SERPINI1: variants seen among roughly 807,000 people sequenced by gnomAD.
The protein encoded by SERPINI1 is serpin family I member 1.
In SERPINI1, 19 loss-of-function variants were observed where a neutral mutation model predicts 41.1. The observed-to-expected ratio is 0.46, with a 90% CI of 0.32 to 0.68. The LOEUF (loss-of-function observed/expected upper bound fraction) is 0.68. SERPINI1 is among the 30% of genes least tolerant of loss of function. The pLI, the probability that SERPINI1 is intolerant of heterozygous loss-of-function variation, is 0.03. For missense variants in SERPINI1, 460 were observed against 479.2 expected (o/e 0.96, Z 0.37); for synonymous variants, 138 against 156.6 (o/e 0.88, Z 0.89).
chr3:167,778,881 C>A (rs1727036571), intron 1 of SERPINI1, among the ~76,000 whole-genome samples: 1 of 152,170 alleles, frequency 6.6e-6, no homozygotes, highest in Non-Finnish European at 1.5e-5. Flanking sequence ...TTAGCTTGGC[C>A]AATGCCAAGG....
At chr3:167,823,514 T>C (rs1712411556) in intron 7 of SERPINI1, among the ~76,000 whole-genome samples, 1 of 152,234 alleles carries the variant, frequency 6.6e-6, no homozygotes. Context: ...GAATATGGGA[T>C]ATTTTTGATA....
At chr3:167,807,364 T>A (rs1560014881) in intron 6 of SERPINI1, 23 bp downstream of exon 6, 8 of 1,390,542 alleles carry the variant, frequency 5.8e-6, no homozygotes, top group Non-Finnish European at 8.2e-6. Flanking sequence ...CACAAATTTT[T>A]AAAAATGTTA....
intron 1 of SERPINI1, among the ~76,000 whole-genome samples, chr3:167,752,685 A>G (rs374459778): frequency 2.0e-4 from 30 of 152,060 alleles, no homozygotes; most frequent in East Asian, 1.2e-3. Flanking sequence ...AGAAAATGCA[A>G]CATCCTTGCT....
At chr3:167,780,323 A>C (rs1727081310) in intron 1 of SERPINI1, among the ~76,000 whole-genome samples, 2 of 151,968 alleles carry the variant, frequency 1.3e-5, no homozygotes, top group South Asian at 4.2e-4. Context: ...CTATACTCCT[A>C]CTCTCTCTAC....
At chr3:167,747,055 T>C (rs1725881454) in intron 1 of SERPINI1, among the ~76,000 whole-genome samples, 1 of 152,188 alleles carries the variant, frequency 6.6e-6, no homozygotes. Flanking sequence ...ATAAACACAA[T>C]GTTGTATAGC....
intron 1 of SERPINI1, among the ~76,000 whole-genome samples, chr3:167,771,755 T>C (rs1398168006): frequency 6.6e-6 from 1 of 152,226 alleles, no homozygotes; most frequent in Non-Finnish European, 1.5e-5. Flanking sequence ...TTAAATGTCA[T>C]CCACACTTAA....
chr3:167,746,461 T>A (rs1725866588), intron 1 of SERPINI1, among the ~76,000 whole-genome samples: 1 of 151,854 alleles, frequency 6.6e-6, no homozygotes, highest in Non-Finnish European at 1.5e-5. Flanking sequence ...AGGACACGAG[T>A]TGAAAAGATA....
chr3:167,792,840 A>G, intron 4 of SERPINI1, 56 bp downstream of exon 4: 1 of 1,426,966 alleles, frequency 7.0e-7, no homozygotes, highest in Non-Finnish European at 9.9e-7. Context: ...ACAGATTTCT[A>G]AGAAAAACAT....
chr3:167,739,363 A>C (rs1401952539), intron 1 of SERPINI1, among the ~76,000 whole-genome samples: 17 of 152,290 alleles, frequency 1.1e-4, no homozygotes. Flanking sequence ...TTTGATAGAC[A>C]GAGTCAGCTG....
intron 1 of SERPINI1, among the ~76,000 whole-genome samples, chr3:167,745,544 A>C (rs1339388012): frequency 6.6e-6 from 1 of 152,044 alleles, no homozygotes; most frequent in African/African-American, 2.4e-5. Flanking sequence ...CTTTTATTCA[A>C]CACTGTATTG....
chr3:167,760,562 TGTG>T (rs1726343250), intron 1 of SERPINI1, among the ~76,000 whole-genome samples: 1 of 930 alleles, frequency 1.1e-3, no homozygotes, highest in Non-Finnish European at 2.1e-3. Flanking sequence ...GGCTCCAAAT[TGTG>T]TGTGTGTGTG....
intron 5 of SERPINI1, among the ~76,000 whole-genome samples, chr3:167,799,550 A>G (rs914504639): frequency 6.6e-6 from 1 of 152,216 alleles, no homozygotes; most frequent in Non-Finnish European, 1.5e-5. Flanking sequence ...TCCTTTGGGT[A>G]TATACCCAGT....
chr3:167,800,972 C>T (rs192634553), intron 5 of SERPINI1, among the ~76,000 whole-genome samples: 3 of 152,256 alleles, frequency 2.0e-5, no homozygotes, highest in Admixed American at 1.3e-4. Flanking sequence ...CATGCGCCAC[C>T]ATGTCCAGCT....
At chr3:167,788,597 G>A (rs1482942551) in intron 1 of SERPINI1, among the ~76,000 whole-genome samples, 1 of 152,164 alleles carries the variant, frequency 6.6e-6, no homozygotes, top group Non-Finnish European at 1.5e-5. Flanking sequence ...TGTGGACTCT[G>A]CAACCTGGAA....
intron 1 of SERPINI1, among the ~76,000 whole-genome samples, chr3:167,782,166 G>A (rs1245144917): frequency 6.6e-6 from 1 of 152,104 alleles, no homozygotes; most frequent in Non-Finnish European, 1.5e-5. Context: ...CAATGTAATT[G>A]TCTATGTGAA....
intron 6 of SERPINI1, among the ~76,000 whole-genome samples, chr3:167,820,931 T>G (rs1478290381): frequency 6.6e-6 from 1 of 152,070 alleles, no homozygotes; most frequent in African/African-American, 2.4e-5. Flanking sequence ...CTCTGAAGCC[T>G]ATAAAAACCC....
At position 167,792,741 on chromosome 3, in the gene SERPINI1, A is replaced by T; in HGVS notation, c.633A>T (p.Glu211Asp). Residue 211 changes from glutamate to aspartate, a missense_variant, in exon 4 of 9, where the codon GAA becomes GAT. By Grantham distance (45) the Glu-to-Asp change is conservative. Transcript: ENST00000446050. ...CTTTCACTAAAGATGATGAAAGTGAAGTCCAAATTCCAATGATGTATCAGC... is the reference window on the plus strand; with the variant it reads ...CTTTCACTAAAGATGATGAAAGTGATGTCCAAATTCCAATGATGTATCAGC... ...TFSFTKDDESEVQIPMMYQQG... is the reference protein window; with the variant it reads ...TFSFTKDDESDVQIPMMYQQG... 1 of 1,613,908 alleles carries T rather than the reference A, an allele frequency of 6.2e-7. No individual in the cohort carries two copies. The highest frequency in any genetic ancestry group is 1.1e-5 in the South Asian group (1 of 91,074).
intron 1 of SERPINI1, among the ~76,000 whole-genome samples, chr3:167,741,795 C>T (rs963631921): frequency 6.6e-6 from 1 of 152,160 alleles, no homozygotes; most frequent in Non-Finnish European, 1.5e-5. Context: ...ATCCCTTATT[C>T]AATGTCTGTG....
In SERPINI1 at chr3:167,768,932, TA is replaced by T. The variant is rs529747435; in HGVS notation, c.-18-20176del. 3.3e-4 allele frequency among the ~76,000 whole-genome samples: 50 copies of T among 152,316 alleles called. 1 individual carries two copies. In the East Asian group the frequency reaches 8.1e-3, roughly 25 times the overall value. ...ACCAGCTTTTTTTATGGCTTCTTCC[TA>T]AAGCCAGTATGCCTGTCTCCAGGAG... On this transcript the variant is annotated intron_variant, in intron 1 of 8. Coordinates refer to ENST00000446050, the MANE Select transcript of SERPINI1 (RefSeq NM_001122752.2).
Sources: gnomAD v4.1 joint callset for allele counts (sites outside exome capture counted in the v4.1 genomes callset) on GRCh38, gnomAD v4.1.1 for gene constraint, MANE v1.5 for transcripts, NCBI Gene and HGNC (gene_info 2026-07-23, HGNC 2026-07-21) for gene names.